Variants in DNAH6 observed in about 807,000 individuals in gnomAD.
The protein encoded by DNAH6 is axonemal beta dynein heavy chain 6.
A neutral mutation model predicts 491.4 loss-of-function variants in DNAH6; 340 were observed. The observed-to-expected ratio is 0.69, with a 90% CI of 0.63 to 0.76. The LOEUF is 0.76. DNAH6 is among the 30% of genes least tolerant of loss of function. The pLI, the probability that DNAH6 is intolerant of heterozygous loss-of-function variation, is 0.00. For synonymous variants in DNAH6, 1,603 were observed against 1,686.1 expected (o/e 0.95, Z 1.21); for missense variants, 4,443 against 4,972.2 (o/e 0.89, Z 3.20).
chr2:84,693,140 C>T lies in DNAH6; in HGVS notation c.7293-1109C>T, dbSNP rs1230940528. ...TCAGTTCTATTCCTTCTTCTCATTC[C>T]TGTAATTTCTATGATGTGGCCTCTG... On this transcript the variant is annotated intron_variant, in intron 45 of 76. Coordinates refer to ENST00000389394, the MANE Select transcript of DNAH6 (RefSeq NM_001370.2). Among the ~76,000 whole-genome samples the T allele has an allele frequency of 2.0e-5, 3 of 152,028 alleles. No homozygotes were observed. The East Asian group carries it at 5.8e-4, about 29-fold the overall frequency.
At chr2:84,654,477 C>T (rs892873666) in intron 34 of DNAH6, among the ~76,000 whole-genome samples, 183 bp from the exon 35 acceptor site, 6 of 152,134 alleles carry the variant, frequency 3.9e-5, no homozygotes, top group African/African-American at 7.2e-5. Flanking sequence ...TCACCTTATA[C>T]GTCATTTAAC....
intron 73 of DNAH6, 33 bp from the exon 74 acceptor site, chr2:84,813,025 A>G: frequency 6.6e-7 from 1 of 1,521,354 alleles, no homozygotes; most frequent in Non-Finnish European, 8.9e-7. Flanking sequence ...CATCCCAGAA[A>G]TAACGTTTAT....
chr2:84,727,691 C>T lies in DNAH6; in HGVS notation c.9995C>T (p.Thr3332Ile). The T allele has an allele frequency of 6.5e-7, 1 of 1,549,654 alleles. No homozygotes were observed. The highest frequency in any genetic ancestry group is 8.7e-7 in the Non-Finnish European group (1 of 1,145,152). Residue 3332 changes from threonine (T) to isoleucine (I), a missense_variant, in exon 61 of 77, where the codon ACT becomes ATT. Thr to Ile is a moderately conservative substitution (Grantham distance 89). Around this residue, in one of 3 missense-constraint regions of DNAH6, gnomAD observed 1,463 missense variants for 1,656.6 expected, o/e 0.88. Coordinates refer to ENST00000389394, the MANE Select transcript of DNAH6 (RefSeq NM_001370.2). ...FKQLFNTTIETSVKTENLQQR... is the reference protein window; with the variant it reads ...FKQLFNTTIEISVKTENLQQR... ...CAGTTGTTCAATACCACCATTGAAA[C>T]TTCTGTAAAGACAGAAAATCTACAA... is the stretch of plus-strand genomic sequence containing the variant.
At position 84,622,880 on chromosome 2, in the gene DNAH6, T is replaced by C. The variant is rs747423726; in HGVS notation, c.4071+1329T>C. 2.4e-4 allele frequency among the ~76,000 whole-genome samples: 36 copies of C among 152,310 alleles called. No individual in the cohort carries two copies. In the Middle Eastern group the frequency reaches 0.01, roughly 43 times the overall value. On this transcript the variant is annotated intron_variant, in intron 26 of 76. Transcript: ENST00000389394. ...TTGATAACAGTCACCCTAACAGTTA[T>C]GAGGTGACATCTCATTATGTTTTTG...
At chr2:84,597,006 A>G (rs769601175) in intron 18 of DNAH6, among the ~76,000 whole-genome samples, 49 of 152,310 alleles carry the variant, frequency 3.2e-4, no homozygotes, top group Admixed American at 7.8e-4. Flanking sequence ...GGGTAGAGTA[A>G]TGTATCCAAT....
chr2:84,710,844 C>G (rs1696972290), intron 56 of DNAH6, among the ~76,000 whole-genome samples: 1 of 149,500 alleles, frequency 6.7e-6, no homozygotes, highest in African/African-American at 2.5e-5. Flanking sequence ...TAAGAATTAA[C>G]TTTTGTTAAA....
intron 63 of DNAH6, among the ~76,000 whole-genome samples, chr2:84,761,134 C>T (rs1241257508): frequency 2.0e-5 from 3 of 152,024 alleles, no homozygotes; most frequent in Non-Finnish European, 2.9e-5. Context: ...ATACTATATT[C>T]GACCATAAAA....
chr2:84,635,503 T>A (rs1263332678), intron 30 of DNAH6, among the ~76,000 whole-genome samples: 1 of 152,190 alleles, frequency 6.6e-6, no homozygotes, highest in Non-Finnish European at 1.5e-5. Flanking sequence ...AAACACAAGA[T>A]CTTTAAATAC....
At chr2:84,728,869 A>G (rs1698888978) in intron 61 of DNAH6, among the ~76,000 whole-genome samples, 2 of 152,186 alleles carry the variant, frequency 1.3e-5, no homozygotes, top group Admixed American at 6.5e-5. Flanking sequence ...CTTGCCTACA[A>G]TTTGATCTCT....
intron 26 of DNAH6, among the ~76,000 whole-genome samples, chr2:84,622,961 G>C (rs554409390): frequency 2.0e-5 from 3 of 152,114 alleles, no homozygotes; most frequent in East Asian, 1.9e-4. Flanking sequence ...TATCCGGTTA[G>C]CCCTTTATAT....
At chr2:84,680,261 T>C (rs1573462604) in intron 41 of DNAH6, among the ~76,000 whole-genome samples, 1 of 152,182 alleles carries the variant, frequency 6.6e-6, no homozygotes, top group Non-Finnish European at 1.5e-5. Flanking sequence ...CTTGCAACCA[T>C]TGATATGCAT....
chr2:84,564,045 C>G (rs2364907), intron 11 of DNAH6, among the ~76,000 whole-genome samples: 1 of 152,074 alleles, frequency 6.6e-6, no homozygotes, highest in African/African-American at 2.4e-5. Flanking sequence ...GTTCTGTTCT[C>G]TTGGTCTATG....
intron 29 of DNAH6, among the ~76,000 whole-genome samples, chr2:84,628,315 C>T (rs1307102410): frequency 6.6e-6 from 1 of 152,130 alleles, no homozygotes; most frequent in Non-Finnish European, 1.5e-5. Context: ...CCTTAAATGT[C>T]CCTTCATGTG....
chr2:84,728,564 G>C (rs947438970), intron 61 of DNAH6, among the ~76,000 whole-genome samples: 40 of 152,338 alleles, frequency 2.6e-4, no homozygotes, highest in African/African-American at 9.4e-4. Context: ...TTGCAAAGCT[G>C]AACCTCTTAC....
intron 2 of DNAH6, 144 bp from the exon 3 acceptor site, chr2:84,525,420 GT>G: frequency 1.4e-6 from 1 of 728,498 alleles, no homozygotes; most frequent in Non-Finnish European, 2.2e-6. Context: ...AATGGTGGTA[GT>G]TAACTATTAG....
At chr2:84,763,421 A>G (rs923277882) in intron 64 of DNAH6, among the ~76,000 whole-genome samples, 5 of 151,766 alleles carry the variant, frequency 3.3e-5, no homozygotes, top group African/African-American at 1.2e-4. Context: ...CCTTTACAGT[A>G]AGCTGATTTG....
intron 76 of DNAH6, among the ~76,000 whole-genome samples, chr2:84,818,642 C>G (rs963588839): frequency 2.0e-5 from 3 of 152,008 alleles, no homozygotes; most frequent in Non-Finnish European, 2.9e-5. Context: ...GGAAACTTAA[C>G]AGGACAAACA....
intron 64 of DNAH6, among the ~76,000 whole-genome samples, chr2:84,765,496 AAAG>A (rs1270488229): frequency 6.6e-6 from 1 of 152,092 alleles, no homozygotes; most frequent in Non-Finnish European, 1.5e-5. Flanking sequence ...CAGGAGGAAA[AAAG>A]AAGTATAGAA....
intron 69 of DNAH6, 51 bp from the exon 70 acceptor site, chr2:84,797,486 A>G: frequency 6.5e-7 from 1 of 1,527,652 alleles, no homozygotes; most frequent in Non-Finnish European, 8.8e-7. Context: ...ACTTGGCAGT[A>G]CAAAGCCAGT....
Sources: gnomAD v4.1 joint callset for allele counts (sites outside exome capture counted in the v4.1 genomes callset) on GRCh38, gnomAD v4.1.1 for gene constraint, gnomAD v4.1.1 regional missense constraint, MANE v1.5 for transcripts, NCBI Gene and HGNC (gene_info 2026-07-23, HGNC 2026-07-21) for gene names.